CFDP1: variants seen among roughly 807,000 people sequenced by gnomAD.
CFDP1 encodes the protein chromatin remodeling protein CFDP1.
CFDP1 carries 31 observed loss-of-function variants against 40.1 expected under a neutral mutation model. The observed-to-expected ratio is 0.77, with a 90% CI of 0.58 to 1.04. CFDP1 has a LOEUF of 1.04. Ranked by LOEUF, CFDP1 falls within the 50% of genes least tolerant of loss-of-function variation. The probability of loss-of-function intolerance (pLI) is 0.00; values close to 1 mark genes in which losing one functional copy is unlikely to be tolerated. For missense variants in CFDP1, 423 were observed against 343.4 expected (o/e 1.23, Z -1.83); for synonymous variants, 167 against 120.0 (o/e 1.39, Z -2.56).
chr16:75,409,160 GTT>G (rs1021374779), intron 4 of CFDP1, among the ~76,000 whole-genome samples: 25 of 152,168 alleles, frequency 1.6e-4, no homozygotes, highest in African/African-American at 5.5e-4. Context: ...TGCCAGGCCA[GTT>G]TTTTGTTTTA....
At chr16:75,346,830 A>C (rs1373145296) in intron 5 of CFDP1, among the ~76,000 whole-genome samples, 1 of 151,956 alleles carries the variant, frequency 6.6e-6, no homozygotes, top group African/African-American at 2.4e-5. Flanking sequence ...TTTGCTGCCT[A>C]ATCAAAACTC....
At position 75,414,567 on chromosome 16, in the gene CFDP1, G is replaced by A. The variant is rs546253362; in HGVS notation, c.182+11C>T. The A allele has an allele frequency of 1.9e-6, 3 of 1,547,078 alleles. No homozygotes were observed. Among genetic ancestry groups the A allele is most frequent in the African/African-American group, 1.4e-5 (1 of 73,530 alleles). On this transcript the variant is annotated intron_variant, in intron 2 of 6. Coordinates refer to ENST00000283882, the MANE Select transcript of CFDP1 (RefSeq NM_006324.3). ...GCCCCTAACTTCTAAGGGCCTTGAAGGCAGCATCACCTGGCTGGAATGCTC... is the reference window on the plus strand; with the variant it reads ...GCCCCTAACTTCTAAGGGCCTTGAAAGCAGCATCACCTGGCTGGAATGCTC...
chr16:75,328,614 A>AC (rs1010141518), intron 5 of CFDP1, among the ~76,000 whole-genome samples: 1 of 150,000 alleles, frequency 6.7e-6, no homozygotes, highest in African/African-American at 2.4e-5. Flanking sequence ...AAAAAAAAAA[A>AC]AAAAAAAAAC....
chr16:75,355,372 C>T (rs920702626), intron 5 of CFDP1, among the ~76,000 whole-genome samples: 2 of 152,210 alleles, frequency 1.3e-5, no homozygotes, highest in African/African-American at 2.4e-5. Context: ...TGAAGTCAAT[C>T]CTCTCAAACC....
chr16:75,343,037 C>G (rs1333000014), intron 5 of CFDP1, among the ~76,000 whole-genome samples: 1 of 152,098 alleles, frequency 6.6e-6, no homozygotes, highest in African/African-American at 2.4e-5. Context: ...CCTGGTAAGG[C>G]ACTCTGAGCT....
chr16:75,432,838 G>T (rs543029153), intron 1 of CFDP1, among the ~76,000 whole-genome samples: 1 of 152,318 alleles, frequency 6.6e-6, no homozygotes, highest in East Asian at 1.9e-4. Context: ...GCATCAAAGG[G>T]GGAACTTTCT....
intron 5 of CFDP1, among the ~76,000 whole-genome samples, chr16:75,374,946 AGTG>A (rs2078780806): frequency 6.6e-6 from 1 of 152,158 alleles, no homozygotes; most frequent in Non-Finnish European, 1.5e-5. Flanking sequence ...TCTACTGAAC[AGTG>A]GAGACCTTAC....
intron 1 of CFDP1, among the ~76,000 whole-genome samples, chr16:75,428,498 T>C (rs567273427): frequency 1.3e-5 from 2 of 151,392 alleles, no homozygotes; most frequent in African/African-American, 2.4e-5. Context: ...CGCGCCTGTA[T>C]CCCAGCTACT....
chr16:75,398,260 C>T (rs760193112), intron 4 of CFDP1, among the ~76,000 whole-genome samples: 1 of 152,192 alleles, frequency 6.6e-6, no homozygotes, highest in African/African-American at 2.4e-5. Context: ...TATAAGGTTG[C>T]GTTACTTATT....
intron 4 of CFDP1, among the ~76,000 whole-genome samples, chr16:75,408,584 C>G (rs1353341586): frequency 6.6e-6 from 1 of 151,948 alleles, no homozygotes; most frequent in African/African-American, 2.4e-5. Context: ...CAAGACCAGC[C>G]TGGCCAAAAT....
chr16:75,380,864 G>C (rs1411599556), intron 5 of CFDP1, among the ~76,000 whole-genome samples: 2 of 152,088 alleles, frequency 1.3e-5, no homozygotes, highest in Non-Finnish European at 2.9e-5. Flanking sequence ...TCGCTAAAGA[G>C]TAAAAACATA....
chr16:75,392,692 T>C (rs2078962187), intron 5 of CFDP1, among the ~76,000 whole-genome samples: 1 of 152,144 alleles, frequency 6.6e-6, no homozygotes, highest in Non-Finnish European at 1.5e-5. Flanking sequence ...GGCATGGGGT[T>C]TCACCATGTT....
chr16:75,313,854 T>C (rs1597324927), intron 5 of CFDP1, among the ~76,000 whole-genome samples: 1 of 150,676 alleles, frequency 6.6e-6, no homozygotes, highest in Admixed American at 6.6e-5. Context: ...AGATTTCTTA[T>C]AGAGTCAAAT....
intron 6 of CFDP1, among the ~76,000 whole-genome samples, chr16:75,295,068 A>G (rs1345247380): frequency 6.6e-6 from 1 of 152,240 alleles, no homozygotes; most frequent in African/African-American, 2.4e-5. Context: ...GAATCTCTGC[A>G]CTAATTTTTC....
chr16:75,380,856 G>A (rs886157968), intron 5 of CFDP1, among the ~76,000 whole-genome samples: 2 of 152,066 alleles, frequency 1.3e-5, no homozygotes, highest in African/African-American at 2.4e-5. Flanking sequence ...ATAAAACCTC[G>A]CTAAAGAGTA....
intron 1 of CFDP1, among the ~76,000 whole-genome samples, chr16:75,431,473 A>G (rs946372055): frequency 9.2e-4 from 134 of 146,250 alleles, no homozygotes; most frequent in Middle Eastern, 3.4e-3. Context: ...AAAAAAAAAA[A>G]AAAAGAAAAG....
At chr16:75,403,803 G>T (rs2079075674) in intron 4 of CFDP1, among the ~76,000 whole-genome samples, 1 of 152,112 alleles carries the variant, frequency 6.6e-6, no homozygotes, top group African/African-American at 2.4e-5. Context: ...AATAATTTCA[G>T]GCAGTAAAAT....
intron 5 of CFDP1, among the ~76,000 whole-genome samples, chr16:75,318,069 C>T (rs966011529): frequency 2.0e-5 from 3 of 151,984 alleles, no homozygotes; most frequent in Admixed American, 6.6e-5. Flanking sequence ...TGCAGTGTGC[C>T]GAGATCGCGC....
chr16:75,304,565 C>T (rs978193322), intron 6 of CFDP1, among the ~76,000 whole-genome samples: 1 of 152,160 alleles, frequency 6.6e-6, no homozygotes, highest in Non-Finnish European at 1.5e-5. Flanking sequence ...GGGTAAAGCC[C>T]CACCCCAGGC....
Sources: allele counts gnomAD v4.1 joint callset (sites outside exome capture counted in the v4.1 genomes callset), GRCh38; gene constraint gnomAD v4.1.1; transcripts MANE v1.5; gene names NCBI Gene and HGNC (gene_info 2026-07-23, HGNC 2026-07-21).